SCAF4: variants seen among roughly 807,000 people sequenced by gnomAD.
SCAF4 encodes the protein SR-related CTD associated factor 4.
A neutral mutation model predicts 129.8 loss-of-function variants in SCAF4; 25 were observed. The ratio of observed to expected loss-of-function variants is 0.19; its 90% confidence interval spans 0.14 to 0.27. The LOEUF is 0.27. Ranked by LOEUF, SCAF4 falls within the 10% of genes least tolerant of loss-of-function variation. The pLI is 1.00. For synonymous variants in SCAF4, 551 were observed against 497.7 expected (o/e 1.11, Z -1.43); for missense variants, 1,246 against 1,457.1 (o/e 0.86, Z 2.36).
chr21:31,692,826 G>C (rs1432962258), intron 12 of SCAF4, among the ~76,000 whole-genome samples: 1 of 152,156 alleles, frequency 6.6e-6, no homozygotes, highest in Non-Finnish European at 1.5e-5. Context: ...TTGTTCACTT[G>C]CATGTAACTG....
At chr21:31,682,781 A>G (rs1360288215) in intron 19 of SCAF4, among the ~76,000 whole-genome samples, 1 of 152,242 alleles carries the variant, frequency 6.6e-6, no homozygotes, top group African/African-American at 2.4e-5. Context: ...CTGGGATTCC[A>G]TCACTTGTTA....
chr21:31,701,036 C>T lies in SCAF4; in HGVS notation c.736G>A (p.Ala246Thr), dbSNP rs775781266. 6.2e-7 allele frequency: 1 copy of T among 1,614,058 alleles called. No individual in the cohort carries two copies. Among genetic ancestry groups the T allele is most frequent in the Non-Finnish European group, 8.5e-7 (1 of 1,179,994 alleles). ...TTPTQPSEQKAAFPPPEQKTA... is the reference protein window; with the variant it reads ...TTPTQPSEQKTAFPPPEQKTA... ...TTCTGTTCAGGTGGGGGGAAAGCAGCTTTTTGTTCAGATGGTTGTGTAGGA... is the reference window on the plus strand; with the variant it reads ...TTCTGTTCAGGTGGGGGGAAAGCAGTTTTTTGTTCAGATGGTTGTGTAGGA... The change falls in exon 7 of 20, where the codon GCT (alanine) becomes ACT (threonine). Residue 246 changes from alanine (A) to threonine (T), a missense_variant. Around this residue, in one of 6 missense-constraint regions of SCAF4, gnomAD observed 143 missense variants for 161.0 expected, o/e 0.89. Transcript: ENST00000286835.
rs1298767837 is a variant in SCAF4, at chr21:31,671,231, A to G, written c.*168T>C. On this transcript the variant is annotated 3_prime_UTR_variant, in exon 20 of 20. Coordinates refer to ENST00000286835, the MANE Select transcript of SCAF4 (RefSeq NM_020706.2). ...ATTCATATTTTCAGTATTTTTTGTTATTTTGTGGCTATTTTTAAATAGAAG... is the reference window on the plus strand; with the variant it reads ...ATTCATATTTTCAGTATTTTTTGTTGTTTTGTGGCTATTTTTAAATAGAAG... 1 of 557,316 alleles carries G rather than the reference A, an allele frequency of 1.8e-6. No individual in the cohort carries two copies. Among genetic ancestry groups the G allele is most frequent in the African/African-American group, 1.9e-5 (1 of 52,966 alleles). The allele number at this position is 557,316 out of a possible 1,614,324, so 34.5% of individuals were successfully genotyped here.
intron 19 of SCAF4, 151 bp from the exon 20 acceptor site, chr21:31,672,505 CTAGTAA>C: frequency 1.5e-6 from 1 of 668,106 alleles, no homozygotes; most frequent in Admixed American, 2.6e-5. Context: ...AGTGTGAGGC[CTAGTAA>C]CAACCTAAGG....
At chr21:31,692,475 G>A (rs2050282369) in intron 12 of SCAF4, 26 bp from the exon 13 acceptor site, 1 of 1,503,392 alleles carries the variant, frequency 6.7e-7, no homozygotes, top group African/African-American at 1.4e-5. Context: ...CAATCATAAA[G>A]AGATTCACAT....
chr21:31,696,965 T>C (rs2050402790), intron 7 of SCAF4, among the ~76,000 whole-genome samples: 1 of 152,162 alleles, frequency 6.6e-6, no homozygotes, highest in South Asian at 2.1e-4. Flanking sequence ...TTCATTCTGT[T>C]TTCCTTCCTC....
At chr21:31,691,631 T>C (rs2050261816) in intron 14 of SCAF4, among the ~76,000 whole-genome samples, 186 bp downstream of exon 14, 1 of 150,938 alleles carries the variant, frequency 6.6e-6, no homozygotes, top group Admixed American at 6.6e-5. Flanking sequence ...ACATTTACAA[T>C]TTTATGCTGA....
At chr21:31,717,841 A>ATATATATATATATATATG (rs1368659249) in intron 1 of SCAF4, among the ~76,000 whole-genome samples, 1 of 83,296 alleles carries the variant, frequency 1.2e-5, no homozygotes, top group African/African-American at 4.3e-5. Flanking sequence ...ATATATATAT[A>ATATATATATATATATATG]TACACACACA....
intron 19 of SCAF4, among the ~76,000 whole-genome samples, chr21:31,677,581 T>C (rs1419669193): frequency 6.6e-6 from 1 of 152,200 alleles, no homozygotes; most frequent in Non-Finnish European, 1.5e-5. Context: ...TTTTGCTAAA[T>C]CCAGCTGCCA....
intron 1 of SCAF4, among the ~76,000 whole-genome samples, chr21:31,716,063 T>C (rs1438584190): frequency 1.3e-5 from 2 of 152,120 alleles, no homozygotes; most frequent in African/African-American, 2.4e-5. Context: ...TTCCTACTTT[T>C]TGAAATAAAG....
intron 19 of SCAF4, among the ~76,000 whole-genome samples, chr21:31,680,743 T>A (rs1224216664): frequency 6.6e-6 from 1 of 152,236 alleles, no homozygotes; most frequent in South Asian, 2.1e-4. Flanking sequence ...ACTAGTAGAC[T>A]GGTGCTTTAA....
At chr21:31,706,532 C>T (rs1159271686) in intron 1 of SCAF4, 175 bp from the exon 2 acceptor site, 2 of 584,594 alleles carry the variant, frequency 3.4e-6, no homozygotes, top group Non-Finnish European at 6.1e-6. Flanking sequence ...ACCCAGCACA[C>T]ACCCTCCCCA....
At chr21:31,720,322 C>G (rs1434919042) in intron 1 of SCAF4, among the ~76,000 whole-genome samples, 1 of 152,146 alleles carries the variant, frequency 6.6e-6, no homozygotes, top group Non-Finnish European at 1.5e-5. Flanking sequence ...GAATAGACAT[C>G]TTTAGTTTTA....
At chr21:31,717,838 TATATACACAC>T (rs1266200077) in intron 1 of SCAF4, among the ~76,000 whole-genome samples, 4 of 99,002 alleles carry the variant, frequency 4.0e-5, no homozygotes, top group Admixed American at 1.3e-4. Context: ...TATATATATA[TATATACACAC>T]ACACACACAC....
At chr21:31,729,733 T>C (rs1323184774) in intron 1 of SCAF4, among the ~76,000 whole-genome samples, 1 of 152,218 alleles carries the variant, frequency 6.6e-6, no homozygotes, top group Non-Finnish European at 1.5e-5. Context: ...AGACTAGGAA[T>C]AGAACTGAAA....
chr21:31,689,483 T>C (rs1286126491), intron 15 of SCAF4, among the ~76,000 whole-genome samples: 1 of 140,606 alleles, frequency 7.1e-6, no homozygotes, highest in Non-Finnish European at 1.5e-5. Flanking sequence ...TTTTTTTTTG[T>C]ATTTTTAGTA....
At chr21:31,697,978 CTTTA>C (rs1218307023) in intron 7 of SCAF4, among the ~76,000 whole-genome samples, 1 of 152,174 alleles carries the variant, frequency 6.6e-6, no homozygotes, top group Non-Finnish European at 1.5e-5. Context: ...TTACTACCAT[CTTTA>C]TTTTACACTA....
chr21:31,671,004 C>G lies in SCAF4; in HGVS notation c.*395G>C, dbSNP rs1402032529. 6.0e-6 allele frequency: 1 copy of G among 166,492 alleles called. No individual in the cohort carries two copies. The highest frequency in any genetic ancestry group is 2.4e-5 in the African/African-American group (1 of 41,442). 10.3% of individuals were successfully genotyped at this position (166,492 alleles called of 1,614,324 possible). A position where few individuals can be genotyped will look rare whatever the true frequency, so the allele number is the denominator to read the frequency against. On this transcript the variant is annotated 3_prime_UTR_variant, in exon 20 of 20. Transcript: ENST00000286835. ...TGAACAATCCTTTTCCACCTTAATGCAGTGTAGGAAGAATAGCACACATTA... is the reference window on the plus strand; with the variant it reads ...TGAACAATCCTTTTCCACCTTAATGGAGTGTAGGAAGAATAGCACACATTA...
chr21:31,677,494 CACA>C (rs1418099856), intron 19 of SCAF4, among the ~76,000 whole-genome samples: 1 of 152,186 alleles, frequency 6.6e-6, no homozygotes, highest in Admixed American at 6.5e-5. Flanking sequence ...CCCAGTCTCT[CACA>C]ACCCTATGTA....
Sources: allele counts gnomAD v4.1 joint callset (sites outside exome capture counted in the v4.1 genomes callset), GRCh38; gene constraint gnomAD v4.1.1; regional missense constraint gnomAD v4.1.1; transcripts MANE v1.5; gene names NCBI Gene and HGNC (gene_info 2026-07-23, HGNC 2026-07-21).